The following BAZ2B variants were observed in gnomAD, a reference collection of about 807,000 sequenced individuals.
BAZ2B encodes the protein bromodomain adjacent to zinc finger domain 2B.
Under a neutral mutation model 246.0 loss-of-function variants are expected in BAZ2B, and 91 were observed. The observed-to-expected ratio is 0.37, with a 90% CI of 0.31 to 0.44. The LOEUF (loss-of-function observed/expected upper bound fraction) is 0.44, where lower values mean the gene tolerates loss of function less well. BAZ2B is among the 20% of genes least tolerant of loss of function. The probability of loss-of-function intolerance (pLI) is 1.00; values close to 1 mark genes in which losing one functional copy is unlikely to be tolerated. For synonymous variants in BAZ2B, 855 were observed against 860.0 expected, an observed-to-expected ratio of 0.99 and a Z score of 0.10; for missense variants, 2,332 against 2,533.7, an observed-to-expected ratio of 0.92 and a Z score of 1.71.
At position 159,325,783 on chromosome 2, in the gene BAZ2B, T is replaced by G; in HGVS notation, c.6079A>C (p.Lys2027Gln). The G allele has an allele frequency of 6.2e-7, 1 of 1,607,080 alleles. No individual in the cohort carries two copies. Among genetic ancestry groups the G allele is most frequent in the Non-Finnish European group, 8.5e-7 (1 of 1,178,450 alleles). The change falls in exon 35 of 37, where the codon AAA becomes CAA. Residue 2027 changes from lysine to glutamine, a missense_variant. Transcript: ENST00000392783. ...EDSASTSSSL[K>Q]RGNKDLKKRK... ...TTCTTGAGGTCTTTGTTTCCTCTTTTTAGTGAACTACTTGTAGATGCAGAG... is the reference window on the plus strand; with the variant it reads ...TTCTTGAGGTCTTTGTTTCCTCTTTGTAGTGAACTACTTGTAGATGCAGAG...
chr2:159,672,120 C>T, the BAZ2B span, among the ~76,000 whole-genome samples: 1 of 152,060 alleles, frequency 6.6e-6, no homozygotes, highest in Non-Finnish European at 1.5e-5. Flanking sequence ...TCCATATAAA[C>T]ATTCTAAACT....
At chr2:159,378,773 T>A (rs982386261) in intron 25 of BAZ2B, among the ~76,000 whole-genome samples, 1 of 152,120 alleles carries the variant, frequency 6.6e-6, no homozygotes, top group Non-Finnish European at 1.5e-5. Flanking sequence ...TTAGGGTAAT[T>A]ACTCTCAAAA....
intron 2 of BAZ2B, among the ~76,000 whole-genome samples, chr2:159,484,320 T>C (rs998263517): frequency 6.6e-6 from 1 of 152,218 alleles, no homozygotes. Flanking sequence ...GACCCAAAGC[T>C]ACTGTAATAA....
In BAZ2B at chr2:159,386,507, A is replaced by G; in HGVS notation, c.3317T>C (p.Val1106Ala). 6.2e-7 allele frequency: 1 copy of G among 1,613,632 alleles called. No individual in the cohort carries two copies. The highest frequency in any genetic ancestry group is 1.3e-5 in the African/African-American group (1 of 74,966). The change falls in exon 22 of 37, where the codon GTT becomes GCT. Residue 1106 changes from valine to alanine, a missense_variant. Val to Ala is a moderately conservative substitution (Grantham distance 64). Around this residue, in one of 9 missense-constraint regions of BAZ2B, gnomAD observed 328 missense variants for 410.4 expected, o/e 0.80. Coordinates refer to ENST00000392783, the MANE Select transcript of BAZ2B (RefSeq NM_013450.4). ...ATCAATATTCACATCAAAGCCCAAA[A>G]CTTTACCAAAGTTTCGTAAGAACTG... ...VVQFLRNFGK[V>A]LGFDVNIDVP...
the BAZ2B span, among the ~76,000 whole-genome samples, chr2:159,642,238 C>T: frequency 1.7e-4 from 23 of 131,718 alleles, no homozygotes; most frequent in South Asian, 2.4e-4. Context: ...TTCTTTCTTT[C>T]TTTTTTTTTT....
intron 1 of BAZ2B, among the ~76,000 whole-genome samples, chr2:159,614,057 T>A (rs1028932736): frequency 1.3e-5 from 2 of 152,170 alleles, no homozygotes; most frequent in African/African-American, 4.8e-5. Flanking sequence ...GAATGCAAAT[T>A]AAATACAGAC....
intron 18 of BAZ2B, among the ~76,000 whole-genome samples, chr2:159,397,638 T>C (rs1361387392): frequency 1.3e-5 from 2 of 152,170 alleles, no homozygotes; most frequent in Non-Finnish European, 2.9e-5. Flanking sequence ...TCAGTAGTCA[T>C]TTTAACTTAA....
the BAZ2B span, among the ~76,000 whole-genome samples, chr2:159,682,740 T>C: frequency 2.6e-5 from 4 of 152,218 alleles, no homozygotes; most frequent in Non-Finnish European, 5.9e-5. Flanking sequence ...GGTTGACTAA[T>C]TCATCAACTC....
downstream of BAZ2B, among the ~76,000 whole-genome samples, chr2:159,316,239 A>T (rs1342639697): frequency 1.3e-5 from 2 of 152,026 alleles, no homozygotes; most frequent in Non-Finnish European, 2.9e-5. Flanking sequence ...GAAAGAAATT[A>T]ATTACCTCAA....
intron 1 of BAZ2B, among the ~76,000 whole-genome samples, chr2:159,614,957 A>T (rs1026612304): frequency 2.0e-5 from 3 of 152,132 alleles, no homozygotes; most frequent in Non-Finnish European, 2.9e-5. Context: ...CCTTTCCTCA[A>T]AAATAAAAAA....
chr2:159,359,780 G>A, intron 27 of BAZ2B, among the ~76,000 whole-genome samples: 1 of 152,100 alleles, frequency 6.6e-6, no homozygotes, highest in African/African-American at 2.4e-5. Flanking sequence ...CTTCATCACT[G>A]GGGTGCAAGG....
At chr2:159,653,906 T>C in the BAZ2B span, among the ~76,000 whole-genome samples, 14 of 152,200 alleles carry the variant, frequency 9.2e-5, no homozygotes, top group East Asian at 1.7e-3. Flanking sequence ...CTTCATCAAA[T>C]AGGAAATTCT....
At chr2:159,361,032 T>C (rs1457550012) in intron 27 of BAZ2B, among the ~76,000 whole-genome samples, 6 of 152,176 alleles carry the variant, frequency 3.9e-5, no homozygotes, top group Admixed American at 2.0e-4. Flanking sequence ...ATTCAGGACA[T>C]AGGCATGGGC....
At chr2:159,421,702 A>C (rs1405897840) in intron 13 of BAZ2B, among the ~76,000 whole-genome samples, 2 of 152,178 alleles carry the variant, frequency 1.3e-5, no homozygotes, top group Non-Finnish European at 2.9e-5. Flanking sequence ...TCTTAAGCCC[A>C]GAAATATCTT....
At chr2:159,613,239 T>C (rs1289492532) in intron 1 of BAZ2B, among the ~76,000 whole-genome samples, 3 of 152,140 alleles carry the variant, frequency 2.0e-5, no homozygotes, top group Non-Finnish European at 4.4e-5. Flanking sequence ...AATAAATGCA[T>C]TTCCAAGACT....
chr2:159,355,233 C>T (rs189357986), intron 27 of BAZ2B, among the ~76,000 whole-genome samples: 23 of 152,276 alleles, frequency 1.5e-4, no homozygotes, highest in African/African-American at 5.5e-4. Context: ...GGTTCAAGCA[C>T]CCCTACCCAC....
chr2:159,522,384 A>C (rs953764836), intron 2 of BAZ2B, among the ~76,000 whole-genome samples: 1 of 152,178 alleles, frequency 6.6e-6, no homozygotes, highest in African/African-American at 2.4e-5. Context: ...TTAACAGGCT[A>C]ATCTCTGGCA....
chr2:159,565,710 G>A (rs753969607), intron 1 of BAZ2B, among the ~76,000 whole-genome samples: 4 of 150,654 alleles, frequency 2.7e-5, no homozygotes, highest in African/African-American at 4.9e-5. Context: ...CCGGGAGGGC[G>A]AGTTTGCAGC....
chr2:159,524,730 T>C lies in BAZ2B; in HGVS notation c.-3+31093A>G, dbSNP rs115747097. ...AGAACACTGGATTAAAATTACATAA[T>C]TTTTTTGTAAGTAAAATTGATATTT... On this transcript the variant is annotated intron_variant, in intron 2 of 36. Coordinates refer to ENST00000392783, the MANE Select transcript of BAZ2B (RefSeq NM_013450.4). 3.5e-3 allele frequency among the ~76,000 whole-genome samples: 536 copies of C among 152,292 alleles called. 4 individuals are homozygous for C. Among genetic ancestry groups the C allele is most frequent in the African/African-American group, 0.012 (498 of 41,560 alleles).
Sources: gnomAD v4.1 joint callset for allele counts (sites outside exome capture counted in the v4.1 genomes callset) on GRCh38, gnomAD v4.1.1 for gene constraint, gnomAD v4.1.1 regional missense constraint, MANE v1.5 for transcripts, NCBI Gene and HGNC (gene_info 2026-07-23, HGNC 2026-07-21) for gene names.